Variants in ST6GALNAC3 observed in about 807,000 individuals in gnomAD.
ST6GALNAC3 encodes the protein ST6 N-acetylgalactosaminide alpha-2,6-sialyltransferase 3, also known as alpha-N-acetylgalactosaminide alpha-2,6-sialyltransferase 3.
ST6GALNAC3 carries 25 observed loss-of-function variants against 32.7 expected under a neutral mutation model. The observed-to-expected ratio is 0.76, with a 90% CI of 0.56 to 1.07. The LOEUF (loss-of-function observed/expected upper bound fraction) is 1.07. Ranked by LOEUF, ST6GALNAC3 falls within the 50% of genes least tolerant of loss-of-function variation. The pLI is 0.00. For synonymous variants in ST6GALNAC3, 129 were observed against 133.1 expected (o/e 0.97, Z 0.21); for missense variants, 355 against 382.4 (o/e 0.93, Z 0.60).
chr1:76,218,282 G>GGA (rs1655582821), intron 1 of ST6GALNAC3, among the ~76,000 whole-genome samples: 1 of 152,162 alleles, frequency 6.6e-6, no homozygotes, highest in Non-Finnish European at 1.5e-5. Flanking sequence ...CCCTGGCCCC[G>GGA]GAGGCCACCT....
intron 3 of ST6GALNAC3, chr1:76,576,891 C>T: frequency 7.7e-7 from 1 of 1,304,354 alleles, no homozygotes; most frequent in Non-Finnish European, 1.0e-6. Context: ...GCAACCACCA[C>T]ATACATGTCC....
chr1:76,121,665 G>A (rs542921121), intron 1 of ST6GALNAC3, among the ~76,000 whole-genome samples: 39 of 152,160 alleles, frequency 2.6e-4, no homozygotes, highest in African/African-American at 8.7e-4. Flanking sequence ...GCAGTGAGCC[G>A]AGATTGCGCC....
At chr1:76,367,205 A>G (rs2101068209) in intron 2 of ST6GALNAC3, among the ~76,000 whole-genome samples, 1 of 152,342 alleles carries the variant, frequency 6.6e-6, no homozygotes, top group African/African-American at 2.4e-5. Flanking sequence ...TTTTCATACC[A>G]TAGTATAAAT....
chr1:76,118,044 C>T (rs1648602919), intron 1 of ST6GALNAC3, among the ~76,000 whole-genome samples: 1 of 152,092 alleles, frequency 6.6e-6, no homozygotes, highest in African/African-American at 2.4e-5. Flanking sequence ...CATAGGTATA[C>T]ATGTGCCATG....
At chr1:76,208,381 G>A (rs17098360) in intron 1 of ST6GALNAC3, among the ~76,000 whole-genome samples, 1,742 of 152,320 alleles carry the variant, frequency 0.011, 29 homozygotes, top group East Asian at 0.046. Flanking sequence ...TTGAAAGCTC[G>A]TGTTTATAGC....
intron 1 of ST6GALNAC3, among the ~76,000 whole-genome samples, chr1:76,202,018 T>C (rs1017339208): frequency 1.3e-4 from 20 of 152,168 alleles, no homozygotes; most frequent in Non-Finnish European, 2.6e-4. Flanking sequence ...GCAAAAGTAA[T>C]GAACTGACTC....
At chr1:76,262,291 C>A (rs946633285) in intron 1 of ST6GALNAC3, among the ~76,000 whole-genome samples, 3 of 152,178 alleles carry the variant, frequency 2.0e-5, no homozygotes, top group Non-Finnish European at 1.5e-5. Context: ...TTAGTGGAAC[C>A]AGTACTCCAA....
intron 3 of ST6GALNAC3, among the ~76,000 whole-genome samples, chr1:76,510,837 G>A (rs4949632): frequency 0.35 from 53,522 of 151,984 alleles, 9,657 homozygotes; most frequent in African/African-American, 0.41. Flanking sequence ...AGTGATGAAT[G>A]TCTCATGTAA....
At chr1:76,563,383 T>C (rs755057323) in intron 3 of ST6GALNAC3, among the ~76,000 whole-genome samples, 5 of 152,224 alleles carry the variant, frequency 3.3e-5, no homozygotes, top group Non-Finnish European at 7.3e-5. Context: ...ATGTGTCTTC[T>C]ATCTGGAAAA....
At chr1:76,463,746 G>T (rs967120523) in intron 3 of ST6GALNAC3, among the ~76,000 whole-genome samples, 1 of 152,024 alleles carries the variant, frequency 6.6e-6, no homozygotes, top group Non-Finnish European at 1.5e-5. Flanking sequence ...TCCTTCGTTT[G>T]CCCTCCCAAC....
At chr1:76,145,163 C>T (rs1650597496) in intron 1 of ST6GALNAC3, among the ~76,000 whole-genome samples, 2 of 152,144 alleles carry the variant, frequency 1.3e-5, no homozygotes, top group African/African-American at 2.4e-5. Context: ...TCCTGTTTCT[C>T]CTTAACATTT....
Position 76,608,118 on chromosome 1 carries a change from C to A in ST6GALNAC3, c.624-19334C>A, listed in dbSNP as rs1647680182. On this transcript the variant is annotated intron_variant, in intron 3 of 4. Transcript: ENST00000328299. ...GAAGTACAATTTCATTACAAAATAG[C>A]AAGTGCTTCCCAAGCCAATGAGGTA... is the stretch of plus-strand genomic sequence containing the variant. Among the ~76,000 whole-genome samples, 3 of 152,170 alleles carry A rather than the reference C, an allele frequency of 2.0e-5. No individual in the cohort carries two copies. In the South Asian group the frequency reaches 6.2e-4, roughly 32 times the overall value.
intron 1 of ST6GALNAC3, among the ~76,000 whole-genome samples, chr1:76,087,388 A>G (rs1646978727): frequency 6.6e-6 from 1 of 152,236 alleles, no homozygotes; most frequent in South Asian, 2.1e-4. Context: ...AAATAGAGAC[A>G]TGTGAAGAGG....
At chr1:76,347,492 A>G (rs1648616681) in intron 2 of ST6GALNAC3, among the ~76,000 whole-genome samples, 1 of 151,672 alleles carries the variant, frequency 6.6e-6, no homozygotes, top group South Asian at 2.1e-4. Context: ...TTGTATGAGA[A>G]TAAGTTTATA....
chr1:76,191,882 T>C (rs980768407), intron 1 of ST6GALNAC3, among the ~76,000 whole-genome samples: 6 of 152,062 alleles, frequency 3.9e-5, no homozygotes, highest in Non-Finnish European at 8.8e-5. Flanking sequence ...TAAAAAATGG[T>C]GACTTATTTT....
chr1:76,545,064 G>A (rs907001055), intron 3 of ST6GALNAC3, among the ~76,000 whole-genome samples: 8 of 152,146 alleles, frequency 5.3e-5, no homozygotes, highest in South Asian at 2.1e-4. Context: ...CTACCGTAGC[G>A]TTTCTGCAAC....
chr1:76,135,127 G>A (rs908281470), intron 1 of ST6GALNAC3, among the ~76,000 whole-genome samples: 2 of 151,270 alleles, frequency 1.3e-5, no homozygotes, highest in African/African-American at 4.9e-5. Context: ...GGGCAATAGA[G>A]CGAGACTCTG....
chr1:76,407,066 C>T (rs550093306), intron 2 of ST6GALNAC3, among the ~76,000 whole-genome samples: 21 of 152,092 alleles, frequency 1.4e-4, no homozygotes, highest in Admixed American at 6.6e-4. Context: ...ACCTGTGCCC[C>T]AGCCAATAAT....
At chr1:76,245,216 G>T (rs1657189319) in intron 1 of ST6GALNAC3, among the ~76,000 whole-genome samples, 1 of 152,144 alleles carries the variant, frequency 6.6e-6, no homozygotes, top group Non-Finnish European at 1.5e-5. Flanking sequence ...TAGTTTATTT[G>T]TATAGAGGTG....
Sources: gnomAD v4.1 joint callset for allele counts (sites outside exome capture counted in the v4.1 genomes callset) on GRCh38, gnomAD v4.1.1 for gene constraint, MANE v1.5 for transcripts, NCBI Gene and HGNC (gene_info 2026-07-23, HGNC 2026-07-21) for gene names.